Variants in GPC5 observed in about 807,000 individuals in gnomAD.
The protein encoded by GPC5 is glypican-5.
A neutral mutation model predicts 53.9 loss-of-function variants in GPC5; 47 were observed. The observed-to-expected ratio is 0.87, with a 90% CI of 0.69 to 1.11. The LOEUF is 1.11. Ranked by LOEUF, GPC5 falls within the 50% of genes most tolerant of loss-of-function variation. The pLI, the probability that GPC5 is intolerant of heterozygous loss-of-function variation, is 0.00. For synonymous variants in GPC5, 286 were observed against 263.3 expected, an observed-to-expected ratio of 1.09 and a Z score of -0.84; for missense variants, 748 against 713.1, an observed-to-expected ratio of 1.05 and a Z score of -0.56.
chr13:92,657,657 A>T (rs1461741783), intron 7 of GPC5, among the ~76,000 whole-genome samples: 1 of 149,246 alleles, frequency 6.7e-6, no homozygotes, highest in Admixed American at 6.8e-5. Context: ...GTGTGAGGCA[A>T]TTTTAAAGGC....
intron 5 of GPC5, among the ~76,000 whole-genome samples, chr13:91,866,937 G>A (rs1309142757): frequency 6.6e-6 from 1 of 151,990 alleles, no homozygotes; most frequent in African/African-American, 2.4e-5. Context: ...GCTGGATGTG[G>A]GGACGTGGTG....
At chr13:91,526,217 C>T (rs1420658797) in intron 2 of GPC5, among the ~76,000 whole-genome samples, 1 of 152,196 alleles carries the variant, frequency 6.6e-6, no homozygotes, top group Non-Finnish European at 1.5e-5. Context: ...TACATTGCTG[C>T]ATCTTTTACA....
chr13:92,119,151 C>T (rs186695787), intron 6 of GPC5, among the ~76,000 whole-genome samples: 21 of 152,182 alleles, frequency 1.4e-4, no homozygotes, highest in African/African-American at 2.9e-4. Flanking sequence ...TCTTACATGG[C>T]GGCAGGCAAG....
At position 91,566,843 on chromosome 13, in the gene GPC5, A is replaced by G. The variant is rs547732316; in HGVS notation, c.325+117921A>G. 2.0e-5 allele frequency among the ~76,000 whole-genome samples: 3 copies of G among 152,246 alleles called. No homozygotes were observed. The South Asian group carries it at 6.2e-4, about 32-fold the overall frequency. Reference sequence around the variant, plus strand: ...AAGAGGTTTTTAATTTTGAAAACTGATTAGTCAACCAAAATGTTGAGTAAA... The same window carrying G: ...AAGAGGTTTTTAATTTTGAAAACTGGTTAGTCAACCAAAATGTTGAGTAAA... On this transcript the variant is annotated intron_variant, in intron 2 of 7. Transcript: ENST00000377067.
intron 6 of GPC5, among the ~76,000 whole-genome samples, chr13:92,122,887 A>C (rs1006805325): frequency 2.0e-5 from 3 of 152,032 alleles, no homozygotes; most frequent in Non-Finnish European, 4.4e-5. Flanking sequence ...CAATTTTTAC[A>C]AATGATTTAA....
chr13:91,841,487 A>G (rs1239431932), intron 5 of GPC5, among the ~76,000 whole-genome samples: 3 of 151,848 alleles, frequency 2.0e-5, no homozygotes, highest in African/African-American at 7.3e-5. Context: ...TCTGTTTTTC[A>G]AAGTAATATA....
chr13:92,697,222 CA>C, intron 7 of GPC5, among the ~76,000 whole-genome samples: 1 of 152,080 alleles, frequency 6.6e-6, no homozygotes, highest in East Asian at 1.9e-4. Flanking sequence ...TAATTTTTTC[CA>C]ATTCTGTGAA....
At chr13:92,121,033 A>T (rs1199042929) in intron 6 of GPC5, among the ~76,000 whole-genome samples, 1 of 152,234 alleles carries the variant, frequency 6.6e-6, no homozygotes, top group African/African-American at 2.4e-5. Flanking sequence ...CTCACTATTC[A>T]ACAGGAGGAT....
At position 91,474,396 on chromosome 13, in the gene GPC5, G is replaced by A. The variant is rs370929775; in HGVS notation, c.325+25474G>A. Among the ~76,000 whole-genome samples, 3 of 152,182 alleles carry A rather than the reference G, an allele frequency of 2.0e-5. No individual in the cohort carries two copies. In the East Asian group the frequency reaches 5.8e-4, roughly 29 times the overall value. On this transcript the variant is annotated intron_variant, in intron 2 of 7. Transcript: ENST00000377067. ...TATCTGAAGAAGACCTAGAATAGTA[G>A]CATGTAATTTTCCTACCATTTTTCT...
At chr13:92,852,143 TC>T (rs1168573174) in intron 7 of GPC5, among the ~76,000 whole-genome samples, 1 of 152,160 alleles carries the variant, frequency 6.6e-6, no homozygotes, top group Admixed American at 6.5e-5. Context: ...TTGGATTAAG[TC>T]TTTTTTAAGA....
chr13:91,717,884 G>T (rs2036375673), intron 3 of GPC5, among the ~76,000 whole-genome samples: 1 of 151,930 alleles, frequency 6.6e-6, no homozygotes, highest in Admixed American at 6.6e-5. Flanking sequence ...CCTAGCTGGT[G>T]CTGTTTCTAG....
At chr13:91,788,460 G>A (rs1409976912) in intron 5 of GPC5, among the ~76,000 whole-genome samples, 3 of 151,820 alleles carry the variant, frequency 2.0e-5, no homozygotes, top group African/African-American at 7.3e-5. Flanking sequence ...TTTGCATTAG[G>A]AAAAAAATAA....
At chr13:92,357,829 C>T (rs35520935) in intron 7 of GPC5, among the ~76,000 whole-genome samples, 45,243 of 151,180 alleles carry the variant, frequency 0.3, 7,385 homozygotes, top group South Asian at 0.41. Context: ...CACATCCCTG[C>T]AGGCCCCTCC....
At chr13:92,576,641 C>T (rs937584411) in intron 7 of GPC5, among the ~76,000 whole-genome samples, 7 of 152,146 alleles carry the variant, frequency 4.6e-5, no homozygotes, top group Non-Finnish European at 7.3e-5. Context: ...TTTAATGAAT[C>T]CCTATGTGAT....
intron 5 of GPC5, among the ~76,000 whole-genome samples, chr13:91,876,551 C>A (rs374486821): frequency 1.1e-4 from 17 of 152,208 alleles, no homozygotes; most frequent in African/African-American, 4.1e-4. Flanking sequence ...GAACTTTGAA[C>A]TTGAAAGAAA....
chr13:92,779,205 TA>T (rs1875931919), intron 7 of GPC5, among the ~76,000 whole-genome samples: 1 of 152,062 alleles, frequency 6.6e-6, no homozygotes, highest in Non-Finnish European at 1.5e-5. Flanking sequence ...CTCCCCTTTT[TA>T]AAACCATCAG....
intron 2 of GPC5, among the ~76,000 whole-genome samples, chr13:91,514,356 T>C (rs893984651): frequency 5.3e-5 from 8 of 152,228 alleles, no homozygotes; most frequent in Non-Finnish European, 1.2e-4. Flanking sequence ...TCTACAGTGC[T>C]ATCTCATGTG....
At position 92,273,174 on chromosome 13, in the gene GPC5, A is replaced by G. The variant is rs986468310; in HGVS notation, c.1561+128185A>G. ...TTTTTAAATTTAAAATAACATTAAA[A>G]TATCTCTGGACCACAGACTTATCTT... On this transcript the variant is annotated intron_variant, in intron 7 of 7. Coordinates refer to ENST00000377067, the MANE Select transcript of GPC5 (RefSeq NM_004466.6). 8.5e-5 allele frequency among the ~76,000 whole-genome samples: 13 copies of G among 152,252 alleles called. 1 individual carries two copies. In the East Asian group the frequency reaches 2.5e-3, roughly 29 times the overall value.
chr13:91,859,203 C>T (rs924151758), intron 5 of GPC5, among the ~76,000 whole-genome samples: 5 of 151,534 alleles, frequency 3.3e-5, no homozygotes, highest in African/African-American at 1.2e-4. Context: ...ATCTGGTTTA[C>T]TCATGCTTTT....
Sources: allele counts gnomAD v4.1 joint callset (sites outside exome capture counted in the v4.1 genomes callset), GRCh38; gene constraint gnomAD v4.1.1; transcripts MANE v1.5; gene names NCBI Gene and HGNC (gene_info 2026-07-23, HGNC 2026-07-21).